CSGALNACT1: variants seen among roughly 807,000 people sequenced by gnomAD.
CSGALNACT1 encodes the protein chondroitin sulfate N-acetylgalactosaminyltransferase 1, also known as beta4GalNAcT-1.
Under a neutral mutation model 51.0 loss-of-function variants are expected in CSGALNACT1, and 52 were observed. The observed-to-expected ratio is 1.02, with a 90% confidence interval of 0.82 to 1.29. The LOEUF is 1.29. Ranked by LOEUF, CSGALNACT1 falls within the 50% of genes most tolerant of loss-of-function variation. The pLI is 0.00. For synonymous variants in CSGALNACT1, 341 were observed against 254.4 expected, an observed-to-expected ratio of 1.34 and a Z score of -3.24; for missense variants, 935 against 679.2, an observed-to-expected ratio of 1.38 and a Z score of -4.19.
intron 1 of CSGALNACT1, among the ~76,000 whole-genome samples, chr8:19,755,758 T>C (rs2065333568): frequency 6.6e-6 from 1 of 152,224 alleles, no homozygotes; most frequent in Admixed American, 6.5e-5. Context: ...GATTCTGCTT[T>C]AAAACCCACT....
chr8:19,607,461 CTGA>C (rs2051554487), upstream of CSGALNACT1, among the ~76,000 whole-genome samples: 1 of 152,184 alleles, frequency 6.6e-6, no homozygotes, highest in Admixed American at 6.5e-5. Flanking sequence ...ATACAGACAG[CTGA>C]TGGACCTCCG....
chr8:19,428,742 G>A (rs10107416), intron 6 of CSGALNACT1, among the ~76,000 whole-genome samples: 74,138 of 151,724 alleles, frequency 0.49, 19,034 homozygotes, highest in East Asian at 0.83. Context: ...TCCACAGAGG[G>A]AAAGTATGCC....
intron 1 of CSGALNACT1, among the ~76,000 whole-genome samples, chr8:19,704,268 C>A: frequency 6.6e-6 from 1 of 152,196 alleles, no homozygotes; most frequent in East Asian, 1.9e-4. Flanking sequence ...ATCACAGACC[C>A]TTCCAGGCCG....
intron 1 of CSGALNACT1, among the ~76,000 whole-genome samples, chr8:19,753,368 A>T (rs1278209681): frequency 2.6e-5 from 4 of 152,146 alleles, no homozygotes; most frequent in African/African-American, 9.7e-5. Flanking sequence ...AAAAAACCAG[A>T]TTGTCTTACC....
At position 19,452,880 on chromosome 8, in the gene CSGALNACT1, C is replaced by A. The variant is rs186899287; in HGVS notation, c.851+5546G>T. On this transcript the variant is annotated intron_variant, in intron 5 of 9. Transcript: ENST00000454498. ...CTTCAACAAAGGCTGCACAAAGCCC[C>A]TGGGGGTTCTTCCTCTCCTCCACCC... Among the ~76,000 whole-genome samples, 424 of 152,312 alleles carry A rather than the reference C, an allele frequency of 2.8e-3. 8 individuals carry two copies. Among genetic ancestry groups the A allele is most frequent in the Admixed American group, 0.026 (392 of 15,302 alleles).
intron 3 of CSGALNACT1, among the ~76,000 whole-genome samples, chr8:19,569,982 T>C (rs1321419286): frequency 1.3e-5 from 2 of 152,270 alleles, no homozygotes; most frequent in East Asian, 1.9e-4. Context: ...TGTATGAAGT[T>C]CAAGAGCAGG....
At chr8:19,588,549 A>G (rs548104158) in intron 3 of CSGALNACT1, among the ~76,000 whole-genome samples, 2 of 152,348 alleles carry the variant, frequency 1.3e-5, no homozygotes, top group South Asian at 4.1e-4. Flanking sequence ...CCATGCACTC[A>G]ATAGACAAAT....
intron 1 of CSGALNACT1, chr8:19,678,440 G>C (rs535586847): frequency 6.6e-6 from 1 of 152,270 alleles, no homozygotes; most frequent in Admixed American, 6.5e-5. Context: ...CAGAAAGGTA[G>C]AACTCATTTT....
At chr8:19,464,585 T>C (rs1489930120) in intron 4 of CSGALNACT1, among the ~76,000 whole-genome samples, 5 of 152,048 alleles carry the variant, frequency 3.3e-5, no homozygotes, top group African/African-American at 9.7e-5. Flanking sequence ...TGTTCAGAAC[T>C]GTGCTGCCGA....
chr8:19,594,535 C>A (rs1317520370), intron 2 of CSGALNACT1, among the ~76,000 whole-genome samples: 1 of 152,076 alleles, frequency 6.6e-6, no homozygotes, highest in Non-Finnish European at 1.5e-5. Flanking sequence ...ATTAGCTAGT[C>A]CACACCCAGG....
intron 1 of CSGALNACT1, among the ~76,000 whole-genome samples, chr8:19,638,284 G>C (rs2056346291): frequency 6.6e-6 from 1 of 152,070 alleles, no homozygotes; most frequent in African/African-American, 2.4e-5. Flanking sequence ...CCTCAACTGT[G>C]TCTGCTGCTC....
chr8:19,517,935 G>C (rs540600561), intron 3 of CSGALNACT1, among the ~76,000 whole-genome samples: 1 of 152,292 alleles, frequency 6.6e-6, no homozygotes, highest in African/African-American at 2.4e-5. Flanking sequence ...AGATGCCCAT[G>C]TAATGGCCAT....
rs1330928309 is a variant in CSGALNACT1 at position 19,757,158 on chromosome 8, G to A, written c.-297+692C>T. The A allele has an allele frequency of 2.0e-5, 3 of 149,788 alleles. No homozygotes were observed. The highest frequency in any genetic ancestry group is 7.3e-5 in the African/African-American group (3 of 41,320). The allele number at this position is 149,788 out of a possible 1,614,324, so 9.3% of individuals were successfully genotyped here. A position where few individuals can be genotyped will look rare whatever the true frequency, so the allele number is the denominator to read the frequency against. On this transcript the variant is annotated intron_variant, in intron 1 of 1. Transcript: ENST00000517494. The surrounding 1 kb of genome is among the most constrained non-coding windows in gnomAD (Gnocchi z 4.0). ...CGCCCCCGCGCGGCACACCGCGCCC[G>A]GCTGGCCCGGGAGGGGACCCGACTC...
intron 3 of CSGALNACT1, among the ~76,000 whole-genome samples, chr8:19,585,657 C>G (rs747984104): frequency 6.6e-6 from 1 of 152,164 alleles, no homozygotes; most frequent in African/African-American, 2.4e-5. Flanking sequence ...CCACTTCCTG[C>G]CTGGCTTCTC....
rs1269171302 is a variant in CSGALNACT1, at chr8:19,461,842, G to A, written c.635-3200C>T. 3.5e-3 allele frequency among the ~76,000 whole-genome samples: 503 copies of A among 145,442 alleles called. 178 individuals carry two copies. The highest frequency in any genetic ancestry group is 9.3e-3 in the East Asian group (45 of 4,854). On this transcript the variant is annotated intron_variant, in intron 4 of 9. Transcript: ENST00000454498. ...CACATTAGCCATGGAGGGTGTATCT[G>A]CACAGCAGCCACATTCACCATGGAG...
chr8:19,433,412 T>C (rs1335568063), intron 6 of CSGALNACT1, among the ~76,000 whole-genome samples: 2 of 152,240 alleles, frequency 1.3e-5, no homozygotes, highest in African/African-American at 2.4e-5. Flanking sequence ...TTCAGGAATG[T>C]GCTGGAGCTT....
exon 10 of CSGALNACT1, chr8:19,405,489 T>C (rs1250678896): frequency 1.7e-6 from 1 of 574,504 alleles, no homozygotes; most frequent in Admixed American, 2.2e-5. Context: ...CAGGTCTCAG[T>C]GTGTTGTAAA....
At chr8:19,682,754 A>C (rs1309772129), upstream of CSGALNACT1, 1 of 454,002 alleles carries the variant, frequency 2.2e-6, no homozygotes, top group East Asian at 6.9e-5. Flanking sequence ...GGATCCCAGA[A>C]CAAGCCCGTC....
At chr8:19,742,224 G>C (rs953579773) in intron 1 of CSGALNACT1, among the ~76,000 whole-genome samples, 1 of 151,522 alleles carries the variant, frequency 6.6e-6, no homozygotes, top group Non-Finnish European at 1.5e-5. Flanking sequence ...GCTCAAAGTG[G>C]TAAAGTAACT....
Sources: gnomAD v4.1 joint callset for allele counts (sites outside exome capture counted in the v4.1 genomes callset) on GRCh38, gnomAD v4.1.1 for gene constraint, Gnocchi (gnomAD v3.1) non-coding constraint, MANE v1.5 for transcripts, NCBI Gene and HGNC (gene_info 2026-07-23, HGNC 2026-07-21) for gene names.